The following KLF8 variants were observed in gnomAD, a reference collection of about 807,000 sequenced individuals.
KLF8 encodes Krueppel-like factor 8.
KLF8 carries 10 observed loss-of-function variants against 18.2 expected under a neutral mutation model. That is an observed-to-expected ratio of 0.55 (90% CI 0.34 to 0.93). The LOEUF (loss-of-function observed/expected upper bound fraction) is 0.93. Ranked by LOEUF, KLF8 falls within the 40% of genes least tolerant of loss-of-function variation. The probability of loss-of-function intolerance (pLI) is 0.02; values close to 1 mark genes in which losing one functional copy is unlikely to be tolerated. For missense variants in KLF8, 264 were observed against 277.9 expected, an observed-to-expected ratio of 0.95 and a Z score of 0.36; for synonymous variants, 109 against 97.3, an observed-to-expected ratio of 1.12 and a Z score of -0.71.
At chrX:55,924,329 A>G in the KLF8 span, among the ~76,000 whole-genome samples, 157 of 111,789 alleles carry the variant, frequency 1.4e-3, no homozygotes, top group African/African-American at 4.8e-3. Flanking sequence ...TGCCCGCCTC[A>G]GCCTCCAAAA....
At chrX:56,075,336 G>T in the KLF8 span, among the ~76,000 whole-genome samples, 1 of 110,863 alleles carries the variant, frequency 9.0e-6, no homozygotes. Context: ...TTTTCTGAAT[G>T]CATTTATTAG....
the KLF8 span, among the ~76,000 whole-genome samples, chrX:56,143,195 G>T: frequency 9.0e-6 from 1 of 111,332 alleles, no homozygotes; most frequent in Admixed American, 9.6e-5. Context: ...TAACAGACAT[G>T]CTCTCGTCTC....
chrX:56,193,330 C>T, the KLF8 span, among the ~76,000 whole-genome samples: 1 of 111,583 alleles, frequency 9.0e-6, no homozygotes, highest in Non-Finnish European at 1.9e-5. Flanking sequence ...CAAATGTTGG[C>T]AAAGACGCAG....
At chrX:55,949,125 A>G in the KLF8 span, among the ~76,000 whole-genome samples, 49 of 112,180 alleles carry the variant, frequency 4.4e-4, 1 homozygote, top group East Asian at 0.011. Context: ...AAATACATCA[A>G]GACATTGAAA....
the KLF8 span, among the ~76,000 whole-genome samples, chrX:55,963,547 C>A: frequency 9.2e-6 from 1 of 108,158 alleles, no homozygotes; most frequent in Non-Finnish European, 1.9e-5. Context: ...ACTGAAGACA[C>A]TCCCCCTCTG....
the KLF8 span, among the ~76,000 whole-genome samples, chrX:56,153,808 C>T: frequency 9.0e-6 from 1 of 111,430 alleles, no homozygotes; most frequent in Non-Finnish European, 1.9e-5. Context: ...AGAGCCAAAT[C>T]ATGAGTGAAC....
At position 56,233,569 on chromosome X, in the gene KLF8, G is replaced by A. The variant is rs148014106; in HGVS notation, c.7+228G>A. ...CAAGAAGGAGAGGAGAGAGCTTGGTGGAAGAAGTGAAAGGGGGCAAGAATG... is the reference window on the plus strand; with the variant it reads ...CAAGAAGGAGAGGAGAGAGCTTGGTAGAAGAAGTGAAAGGGGGCAAGAATG... On this transcript the variant is annotated intron_variant, in intron 1 of 5. Coordinates refer to ENST00000468660, the MANE Select transcript of KLF8 (RefSeq NM_007250.5). Among the ~76,000 whole-genome samples, 275 of 111,907 alleles carry A rather than the reference G, an allele frequency of 2.5e-3. 1 individual carries two copies. The highest frequency in any genetic ancestry group is 4.3e-3 in the Non-Finnish European group (228 of 53,137).
chrX:56,020,876 C>T, the KLF8 span, among the ~76,000 whole-genome samples: 2 of 112,011 alleles, frequency 1.8e-5, no homozygotes, highest in African/African-American at 3.2e-5. Context: ...GAACTAATCA[C>T]CATTCCAATA....
chrX:56,127,456 T>A, the KLF8 span, among the ~76,000 whole-genome samples: 7 of 109,835 alleles, frequency 6.4e-5, no homozygotes, highest in African/African-American at 2.3e-4. Context: ...AGCCCAGGAG[T>A]TTGAGACCAG....
At chrX:56,024,608 G>A in the KLF8 span, among the ~76,000 whole-genome samples, 1 of 111,814 alleles carries the variant, frequency 8.9e-6, no homozygotes, top group Non-Finnish European at 1.9e-5. Flanking sequence ...GGCTCACAAT[G>A]CTAAAGATTT....
chrX:56,088,345 G>T, the KLF8 span, among the ~76,000 whole-genome samples: 12 of 110,846 alleles, frequency 1.1e-4, no homozygotes, highest in Admixed American at 9.6e-4. Flanking sequence ...TATTATAAAG[G>T]AGGTGTGAAA....
At chrX:55,979,394 T>A in the KLF8 span, among the ~76,000 whole-genome samples, 1 of 111,549 alleles carries the variant, frequency 9.0e-6, no homozygotes, top group Admixed American at 9.5e-5. Context: ...AAACATAGTA[T>A]GTATGAAGTT....
chrX:56,042,628 A>G, the KLF8 span, among the ~76,000 whole-genome samples: 1 of 112,105 alleles, frequency 8.9e-6, no homozygotes, highest in Non-Finnish European at 1.9e-5. Flanking sequence ...TGTTGGTTTA[A>G]AGTTTCTTTG....
rs767794064 is a variant in KLF8 at position 56,284,947 on chromosome X, C to T, written c.*453C>T. 4.3e-5 allele frequency: 5 copies of T among 114,969 alleles called. No homozygotes were observed. Among genetic ancestry groups the T allele is most frequent in the African/African-American group, 1.6e-4 (5 of 31,045 alleles). The allele number at this position is 114,969 out of a possible 1,213,427, so 9.5% of individuals were successfully genotyped here. A position where few individuals can be genotyped will look rare whatever the true frequency, so the allele number is the denominator to read the frequency against. ...ATAGTGTCCTAAACGACTTTTTTAA[C>T]TTCCTAAATGGAAAGAGCATAACAA... On this transcript the variant is annotated 3_prime_UTR_variant, in exon 6 of 6. Coordinates refer to ENST00000468660, the MANE Select transcript of KLF8 (RefSeq NM_007250.5).
the KLF8 span, among the ~76,000 whole-genome samples, chrX:56,153,303 T>C: frequency 1.8e-5 from 2 of 109,547 alleles, no homozygotes; most frequent in Non-Finnish European, 3.8e-5. Flanking sequence ...TGAAATGAGC[T>C]ATGATTGCAC....
the KLF8 span, among the ~76,000 whole-genome samples, chrX:56,151,268 C>CT: frequency 9.0e-6 from 1 of 111,223 alleles, no homozygotes; most frequent in South Asian, 3.8e-4. Flanking sequence ...GGGATGTAGT[C>CT]TTTTTTTCTC....
chrX:55,999,285 A>ATTTTTTTTTTGTTTTTTTT, the KLF8 span, among the ~76,000 whole-genome samples: 2 of 33,574 alleles, frequency 6.0e-5, 1 homozygote, highest in Non-Finnish European at 1.1e-4. Flanking sequence ...ATGCCTCCAG[A>ATTTTTTTTTTGTTTTTTTT]TTTTTTTTTT....
Position 56,291,503 on chromosome X carries a change from A to G in KLF8, c.*7009A>G, listed in dbSNP as rs758736366. 8.9e-6 allele frequency among the ~76,000 whole-genome samples: 1 copy of G among 111,917 alleles called. No homozygotes were observed. The highest frequency in any genetic ancestry group is 3.2e-5 in the African/African-American group (1 of 30,806). Reference sequence around the variant, plus strand: ...TTCAGTTTAATTATTGTACTTTTTTATTAATAAAAAGGTCTTAAACTTCAG... The same window carrying G: ...TTCAGTTTAATTATTGTACTTTTTTGTTAATAAAAAGGTCTTAAACTTCAG... On this transcript the variant is annotated 3_prime_UTR_variant, in exon 6 of 6. Coordinates refer to ENST00000468660, the MANE Select transcript of KLF8 (RefSeq NM_007250.5).
chrX:56,044,394 C>T, the KLF8 span, among the ~76,000 whole-genome samples: 1 of 112,316 alleles, frequency 8.9e-6, no homozygotes, highest in East Asian at 2.8e-4. Context: ...TCAAAGCCAG[C>T]AGGCTGGAGT....
Sources: allele counts gnomAD v4.1 joint callset (sites outside exome capture counted in the v4.1 genomes callset), GRCh38; gene constraint gnomAD v4.1.1; transcripts MANE v1.5; gene names NCBI Gene and HGNC (gene_info 2026-07-23, HGNC 2026-07-21).